PDE4A: variants seen among roughly 807,000 people sequenced by gnomAD.
PDE4A encodes the protein phosphodiesterase 4A.
Under a neutral mutation model 73.9 loss-of-function variants are expected in PDE4A, and 21 were observed. The observed-to-expected ratio is 0.28, with a 90% CI of 0.20 to 0.41. The LOEUF (loss-of-function observed/expected upper bound fraction) is 0.41. Among genes scored for constraint, PDE4A ranks in the 10% least tolerant of loss-of-function variants. The probability of loss-of-function intolerance (pLI) is 1.00; values close to 1 mark genes in which losing one functional copy is unlikely to be tolerated. For missense variants in PDE4A, 958 were observed against 1,211.4 expected, an observed-to-expected ratio of 0.79 and a Z score of 3.10; for synonymous variants, 463 against 505.4, an observed-to-expected ratio of 0.92 and a Z score of 1.13.
intron 10 of PDE4A, among the ~76,000 whole-genome samples, chr19:10,460,658 C>T (rs2043248729): frequency 6.6e-6 from 1 of 151,656 alleles, no homozygotes; most frequent in Admixed American, 6.6e-5. Context: ...ATTAGCCGGG[C>T]GTGGTGGTGG....
chr19:10,463,395 CTT>C (rs35214617), intron 13 of PDE4A, among the ~76,000 whole-genome samples: 2,415 of 100,356 alleles, frequency 0.024, 63 homozygotes, highest in African/African-American at 0.09. Flanking sequence ...CAGCCCCATT[CTT>C]TTTTTTTTTT....
intron 1 of PDE4A, among the ~76,000 whole-genome samples, chr19:10,440,899 A>ATT (rs59011127): frequency 1.3e-4 from 17 of 131,356 alleles, no homozygotes; most frequent in African/African-American, 3.7e-4. Flanking sequence ...CGCCCAGCCA[A>ATT]TTTTTTTTTT....
At chr19:10,420,514 G>C, upstream of PDE4A, 3 of 1,073,058 alleles carry the variant, frequency 2.8e-6, no homozygotes, top group Non-Finnish European at 3.4e-6. This position sits in a 1 kb window ranked among gnomAD's most constrained non-coding sequence, Gnocchi z 6.0. Flanking sequence ...AGCGGGCCGC[G>C]GAACGCGGAG....
rs892140622 is a variant in PDE4A at position 10,458,321 on chromosome 19, T to A, written c.1101+219T>A. Among the ~76,000 whole-genome samples the A allele has an allele frequency of 6.6e-6, 1 of 152,194 alleles. No individual in the cohort carries two copies. Among genetic ancestry groups the A allele is most frequent in the South Asian group, 2.1e-4 (1 of 4,832 alleles). The stretch of plus-strand genomic sequence containing the variant: ...AGGGCTGGACGTATCACCTCTTGCA[T>A]GTAGCTCCTGTTGGGACTAGTCTTC... On this transcript the variant is annotated intron_variant, in intron 8 of 14. Transcript: ENST00000380702. The surrounding 1 kb of genome is among the most constrained non-coding windows in gnomAD (Gnocchi z 4.6).
Position 10,449,188 on chromosome 19 carries a change from G to A in PDE4A, c.620+38G>A, listed in dbSNP as rs751633525. On this transcript the variant is annotated intron_variant, in intron 4 of 14. Transcript: ENST00000380702. ...TGGGCTGCAACAGCTGTGATCATAA[G>A]GTGAAGCATATGCGGGTTCTGCTCT... The A allele has an allele frequency of 3.1e-6, 5 of 1,604,686 alleles. No homozygotes were observed. In the Admixed American group the frequency reaches 5.1e-5, roughly 16 times the overall value.
In PDE4A at chr19:10,450,882, C is replaced by T; in HGVS notation, c.724C>T (p.Leu242=). 1 of 1,611,674 alleles carries T rather than the reference C, an allele frequency of 6.2e-7. No homozygotes were observed. Among genetic ancestry groups the T allele is most frequent in the Non-Finnish European group, 8.5e-7 (1 of 1,179,000 alleles). ...GACTCTGGAGGAGCTGGACTGGTGT[C>T]TGGAGCAGCTGGAGACCATGCAGAC... is the stretch of plus-strand genomic sequence containing the variant. ...RETLEELDWC[L]EQLETMQTYR... Residue 242 remains leucine, a synonymous_variant, in exon 6 of 15, where the codon CTG becomes TTG. Coordinates refer to ENST00000380702, the MANE Select transcript of PDE4A (RefSeq NM_001111307.2).
Position 10,467,226 on chromosome 19 carries a change from C to T in PDE4A, c.2266C>T (p.Pro756Ser). ...TGCAACCATAGCCTGGGAGGCATCC[C>T]CGGCCCAGGAGTCGTTGGAAGTTAT... ...LDATIAWEAS[P>S]AQESLEVMAQ... The change falls in exon 15 of 15, where the codon CCG becomes TCG. Residue 756 changes from proline to serine, a missense_variant. Physicochemically the swap from Pro to Ser is moderately conservative, Grantham distance 74. Coordinates refer to ENST00000380702, the MANE Select transcript of PDE4A (RefSeq NM_001111307.2). 1 of 1,614,166 alleles carries T rather than the reference C, an allele frequency of 6.2e-7. No individual in the cohort carries two copies. The highest frequency in any genetic ancestry group is 8.5e-7 in the Non-Finnish European group (1 of 1,180,010).
Position 10,420,649 on chromosome 19 carries a change from C to T in PDE4A, c.-116C>T. Reference sequence around the variant, plus strand: ...CGGGTCTGTCCCCGGGGCGCCATGGCCCTACCGCGGCCGGGCGCACCCGCG... The same window carrying T: ...CGGGTCTGTCCCCGGGGCGCCATGGTCCTACCGCGGCCGGGCGCACCCGCG... On this transcript the variant is annotated 5_prime_UTR_variant, in exon 1 of 15. Transcript: ENST00000380702. This position sits in a 1 kb window ranked among gnomAD's most constrained non-coding sequence, Gnocchi z 6.0. 1 of 1,363,880 alleles carries T rather than the reference C, an allele frequency of 7.3e-7. No individual in the cohort carries two copies. The highest frequency in any genetic ancestry group is 9.4e-7 in the Non-Finnish European group (1 of 1,066,834). 84.5% of individuals were successfully genotyped at this position (1,363,880 alleles called of 1,614,324 possible). A position where few individuals can be genotyped will look rare whatever the true frequency, so the allele number is the denominator to read the frequency against.
At chr19:10,452,973 G>A in intron 6 of PDE4A, 1 of 1,238,024 alleles carries the variant, frequency 8.1e-7, no homozygotes, top group Non-Finnish European at 1.0e-6. Context: ...GCCTCCTCCT[G>A]GGACCCTTGC....
In PDE4A at chr19:10,430,819, C is replaced by T. The variant is rs1768685018; in HGVS notation, c.320+9735C>T. On this transcript the variant is annotated intron_variant, in intron 1 of 14. Coordinates refer to ENST00000380702, the MANE Select transcript of PDE4A (RefSeq NM_001111307.2). ...GTGGGCGGCGCAGCTCCCCAGCGCC[C>T]GCCGAGGCGGGGCCGCCCCGCGGCC... 1.8e-5 allele frequency: 18 copies of T among 1,021,900 alleles called. No individual in the cohort carries two copies. In the South Asian group the frequency reaches 7.3e-4, roughly 41 times the overall value. The allele number at this position is 1,021,900 out of a possible 1,614,324, so 63.3% of individuals were successfully genotyped here. A position where few individuals can be genotyped will look rare whatever the true frequency, so the allele number is the denominator to read the frequency against.
At chr19:10,454,268 C>A (rs946997514) in intron 6 of PDE4A, among the ~76,000 whole-genome samples, 1 of 152,154 alleles carries the variant, frequency 6.6e-6, no homozygotes, top group Non-Finnish European at 1.5e-5. Context: ...CCTTTTTGTC[C>A]CCCAGAGCTT....
intron 4 of PDE4A, among the ~76,000 whole-genome samples, chr19:10,449,747 A>C (rs1386911474): frequency 6.6e-6 from 1 of 152,058 alleles, no homozygotes; most frequent in African/African-American, 2.4e-5. Context: ...CTGGGTCTTG[A>C]CACCAAGTTG....
intron 1 of PDE4A, among the ~76,000 whole-genome samples, chr19:10,440,936 C>A (rs1706444440): frequency 6.7e-6 from 1 of 149,992 alleles, no homozygotes; most frequent in South Asian, 2.1e-4. Context: ...CGGGGTTTCA[C>A]CATGCTGCCC....
chr19:10,426,053 C>T (rs908533431), intron 1 of PDE4A, among the ~76,000 whole-genome samples: 1 of 144,438 alleles, frequency 6.9e-6, no homozygotes, highest in African/African-American at 2.6e-5. Context: ...TTCAAATCCA[C>T]TTTTGGCCAG....
intron 1 of PDE4A, among the ~76,000 whole-genome samples, chr19:10,442,533 AC>A (rs149351101): frequency 0.021 from 3,219 of 151,996 alleles, 135 homozygotes; most frequent in African/African-American, 0.075. Flanking sequence ...CAAAAACAAA[AC>A]AAAGCAAAAC....
At position 10,421,036 on chromosome 19, in the gene PDE4A, A is replaced by G. The variant is rs1023848537; in HGVS notation, c.272A>G (p.His91Arg). The change falls in exon 1 of 15, where the codon CAT becomes CGT. Residue 91 changes from histidine to arginine, a missense_variant. Coordinates refer to ENST00000380702, the MANE Select transcript of PDE4A (RefSeq NM_001111307.2). Reference protein sequence around the residue: ...TTRMSWPSSFHGTGTGSGGAG... With the variant: ...TTRMSWPSSFRGTGTGSGGAG... Reference sequence around the variant, plus strand: ...CGCATGTCCTGGCCCTCGTCCTTCCATGGCACTGGCACCGGCAGCGGCGGC... The same window carrying G: ...CGCATGTCCTGGCCCTCGTCCTTCCGTGGCACTGGCACCGGCAGCGGCGGC... 2.4e-5 allele frequency: 35 copies of G among 1,431,786 alleles called. No individual in the cohort carries two copies. The highest frequency in any genetic ancestry group is 3.0e-5 in the Non-Finnish European group (33 of 1,102,724). 88.7% of individuals were successfully genotyped at this position (1,431,786 alleles called of 1,614,324 possible). A position where few individuals can be genotyped will look rare whatever the true frequency, so the allele number is the denominator to read the frequency against.
At chr19:10,431,871 G>C (rs569069088) in intron 1 of PDE4A, among the ~76,000 whole-genome samples, 2 of 152,078 alleles carry the variant, frequency 1.3e-5, no homozygotes, top group African/African-American at 4.8e-5. Flanking sequence ...GCTTCTCTCC[G>C]GGTCTCTCTC....
At position 10,465,223 on chromosome 19, in the gene PDE4A, A is replaced by C. The variant is rs375343353; in HGVS notation, c.1926+1248A>C. Among the ~76,000 whole-genome samples the C allele has an allele frequency of 2.0e-3, 263 of 134,404 alleles. 2 individuals are homozygous for C. The East Asian group carries it at 0.022, about 11-fold the overall frequency. The allele number at this position is 134,404 out of a possible 152,430, so 88.2% of individuals were successfully genotyped here. On this transcript the variant is annotated intron_variant, in intron 14 of 14. Transcript: ENST00000380702. ...AGATGCCAGAAGTATCCCCCTCCTC[A>C]TTTTTTTTTTTTTTGAGACAGAGTT...
At chr19:10,427,836 C>CA in intron 1 of PDE4A, 1 of 985,152 alleles carries the variant, frequency 1.0e-6, no homozygotes, top group Non-Finnish European at 1.2e-6. Context: ...GGTCGGTGAA[C>CA]AAAAATGCAT....
Sources: gnomAD v4.1 joint callset for allele counts (sites outside exome capture counted in the v4.1 genomes callset) on GRCh38, gnomAD v4.1.1 for gene constraint, Gnocchi (gnomAD v3.1) non-coding constraint, MANE v1.5 for transcripts, NCBI Gene and HGNC (gene_info 2026-07-23, HGNC 2026-07-21) for gene names.